The following LRRC8C variants were observed in gnomAD, a reference collection of about 807,000 sequenced individuals.
The protein encoded by LRRC8C is volume-regulated anion channel subunit LRRC8C.
Under a neutral mutation model 55.3 loss-of-function variants are expected in LRRC8C, and 20 were observed. The ratio of observed to expected loss-of-function variants is 0.36; its 90% CI spans 0.25 to 0.53. The LOEUF (loss-of-function observed/expected upper bound fraction) is 0.53. Among genes scored for constraint, LRRC8C ranks in the 20% least tolerant of loss-of-function variants. The pLI is 0.92. For missense variants in LRRC8C, 659 were observed against 951.4 expected, an observed-to-expected ratio of 0.69 and a Z score of 4.04; for synonymous variants, 376 against 360.7, an observed-to-expected ratio of 1.04 and a Z score of -0.48.
At chr1:89,677,131 A>G (rs1371280797) in intron 1 of LRRC8C, among the ~76,000 whole-genome samples, 1 of 152,238 alleles carries the variant, frequency 6.6e-6, no homozygotes, top group Non-Finnish European at 1.5e-5. Context: ...AGAAACGAAT[A>G]ATATCGTCAT....
At chr1:89,702,113 C>T (rs1294034540) in intron 2 of LRRC8C, among the ~76,000 whole-genome samples, 1 of 152,066 alleles carries the variant, frequency 6.6e-6, no homozygotes, top group Non-Finnish European at 1.5e-5. Context: ...TCAGCCTGTC[C>T]ACTGTCTTGC....
chr1:89,679,028 G>C (rs537048920), intron 1 of LRRC8C, among the ~76,000 whole-genome samples: 6 of 152,090 alleles, frequency 3.9e-5, no homozygotes, highest in African/African-American at 1.4e-4. Flanking sequence ...AAGTATAGTT[G>C]GTATTGAAAC....
chr1:89,627,509 C>T, the LRRC8C span, among the ~76,000 whole-genome samples: 1 of 152,054 alleles, frequency 6.6e-6, no homozygotes, highest in East Asian at 1.9e-4. Flanking sequence ...CATGAAGGCA[C>T]ATATGGGATA....
At chr1:89,697,557 C>T (rs1489992552) in intron 2 of LRRC8C, among the ~76,000 whole-genome samples, 2 of 152,138 alleles carry the variant, frequency 1.3e-5, no homozygotes, top group Non-Finnish European at 2.9e-5. Flanking sequence ...ATTTCAAATT[C>T]TTCAAACAAC....
intron 2 of LRRC8C, among the ~76,000 whole-genome samples, chr1:89,703,447 C>G (rs1240594214): frequency 1.3e-5 from 2 of 150,710 alleles, no homozygotes; most frequent in African/African-American, 4.9e-5. Flanking sequence ...TATACTTCAA[C>G]CAAAAGGAAA....
chr1:89,681,222 C>T (rs552529886), intron 1 of LRRC8C, among the ~76,000 whole-genome samples: 1 of 152,286 alleles, frequency 6.6e-6, no homozygotes, highest in South Asian at 2.1e-4. Context: ...AATGAAAGAG[C>T]AATTGATCAA....
At position 89,715,790 on chromosome 1, in the gene LRRC8C, A is replaced by G. The variant is rs905914896; in HGVS notation, c.*808A>G. 5.3e-5 allele frequency: 8 copies of G among 152,194 alleles called. No homozygotes were observed. Among genetic ancestry groups the G allele is most frequent in the African/African-American group, 1.7e-4 (7 of 41,452 alleles). The allele number at this position is 152,194 out of a possible 1,614,324, so 9.4% of individuals were successfully genotyped here. The stretch of plus-strand genomic sequence containing the variant: ...TATTCTAATAGATAATTAAATTTTA[A>G]AATGATAGAAGCCTGGTTTTTGAGT... On this transcript the variant is annotated 3_prime_UTR_variant, in exon 3 of 3. Coordinates refer to ENST00000370454, the MANE Select transcript of LRRC8C (RefSeq NM_032270.5).
the LRRC8C span, among the ~76,000 whole-genome samples, chr1:89,621,492 G>C: frequency 6.6e-6 from 1 of 151,898 alleles, no homozygotes; most frequent in African/African-American, 2.4e-5. Context: ...TCCCCTTAAA[G>C]CACTCAGAAG....
In LRRC8C at chr1:89,712,876, T is replaced by C; in HGVS notation, c.306T>C (p.Asp102=). 1 of 1,614,182 alleles carries C rather than the reference T, an allele frequency of 6.2e-7. No individual in the cohort carries two copies. The highest frequency in any genetic ancestry group is 8.5e-7 in the Non-Finnish European group (1 of 1,180,036). ...ITVEMKGLKT[D]LDLQQYSFIN... ...TGGAAATGAAAGGCCTGAAGACAGATTTGGACCTTCAGCAGTACAGCTTTA... is the reference window on the plus strand; with the variant it reads ...TGGAAATGAAAGGCCTGAAGACAGACTTGGACCTTCAGCAGTACAGCTTTA... The change falls in exon 3 of 3, where the codon GAT becomes GAC. Residue 102 remains aspartate (D), a synonymous_variant. Transcript: ENST00000370454.
chr1:89,617,482 T>C, the LRRC8C span, among the ~76,000 whole-genome samples: 3 of 152,234 alleles, frequency 2.0e-5, no homozygotes, highest in African/African-American at 7.2e-5. Context: ...TTTAATCATT[T>C]TGTGGTCCTG....
At chr1:89,662,150 A>G (rs1177768403) in intron 1 of LRRC8C, among the ~76,000 whole-genome samples, 3 of 151,932 alleles carry the variant, frequency 2.0e-5, no homozygotes, top group South Asian at 2.1e-4. Context: ...CTGATGAGCT[A>G]AAAGAAAAAA....
chr1:89,662,854 G>T (rs2101218146), intron 1 of LRRC8C, among the ~76,000 whole-genome samples: 1 of 151,968 alleles, frequency 6.6e-6, no homozygotes, highest in South Asian at 2.1e-4. Flanking sequence ...TTAAGTTCTG[G>T]GATACGTGTG....
At chr1:89,701,615 C>T (rs992449395) in intron 2 of LRRC8C, among the ~76,000 whole-genome samples, 3 of 152,132 alleles carry the variant, frequency 2.0e-5, no homozygotes, top group Non-Finnish European at 2.9e-5. Flanking sequence ...GGGAATTTGA[C>T]ATATAAGTTT....
At chr1:89,710,589 A>G (rs1217984252) in intron 2 of LRRC8C, among the ~76,000 whole-genome samples, 3 of 152,172 alleles carry the variant, frequency 2.0e-5, no homozygotes, top group Non-Finnish European at 4.4e-5. Flanking sequence ...TAGCCACCAA[A>G]TCCTCTAAAT....
intron 1 of LRRC8C, among the ~76,000 whole-genome samples, chr1:89,685,439 G>A (rs1416640567): frequency 6.6e-6 from 1 of 152,164 alleles, no homozygotes; most frequent in Non-Finnish European, 1.5e-5. Flanking sequence ...TCTTAATTCA[G>A]TATTAGGGAA....
intron 2 of LRRC8C, among the ~76,000 whole-genome samples, chr1:89,694,092 T>C (rs776374594): frequency 2.6e-5 from 4 of 152,102 alleles, no homozygotes; most frequent in Non-Finnish European, 4.4e-5. Context: ...GGGATGGTAG[T>C]GAATGGTGTG....
chr1:89,636,876 A>G (rs543449733), intron 1 of LRRC8C, among the ~76,000 whole-genome samples: 4 of 152,206 alleles, frequency 2.6e-5, no homozygotes, highest in African/African-American at 7.2e-5. Context: ...TTGAAAGACT[A>G]TAAACTCTTT....
At chr1:89,624,138 A>G in the LRRC8C span, among the ~76,000 whole-genome samples, 1 of 152,224 alleles carries the variant, frequency 6.6e-6, no homozygotes, top group Non-Finnish European at 1.5e-5. Context: ...AGAAATCCTG[A>G]GCTAGGGAAT....
rs1015331343 is a variant in LRRC8C at position 89,701,407 on chromosome 1, C to T, written c.139-11302C>T. Among the ~76,000 whole-genome samples, 16 of 150,124 alleles carry T rather than the reference C, an allele frequency of 1.1e-4. No homozygotes were observed. The East Asian group carries it at 1.8e-3, about 17-fold the overall frequency. ...AGGAGAATGGCGTGAACCTGGGAGG[C>T]GGAACTTGCAGTGAGCCAAGATCGC... On this transcript the variant is annotated intron_variant, in intron 2 of 2. Transcript: ENST00000370454.
Sources: allele counts gnomAD v4.1 joint callset (sites outside exome capture counted in the v4.1 genomes callset), GRCh38; gene constraint gnomAD v4.1.1; transcripts MANE v1.5; gene names NCBI Gene and HGNC (gene_info 2026-07-23, HGNC 2026-07-21).